The following FRMPD2 variants were observed in gnomAD, a reference collection of about 807,000 sequenced individuals.
FRMPD2 encodes the protein FERM and PDZ domain-containing protein 2.
FRMPD2 carries 96 observed loss-of-function variants against 140.1 expected under a neutral mutation model. The ratio of observed to expected loss-of-function variants is 0.69; its 90% CI spans 0.58 to 0.81. The LOEUF is 0.81. Ranked by LOEUF, FRMPD2 falls within the 40% of genes least tolerant of loss-of-function variation. The pLI, the probability that FRMPD2 is intolerant of heterozygous loss-of-function variation, is 0.00. For missense variants in FRMPD2, 1,240 were observed against 1,447.4 expected, an observed-to-expected ratio of 0.86 and a Z score of 2.32; for synonymous variants, 449 against 547.6, an observed-to-expected ratio of 0.82 and a Z score of 2.52.
intron 1 of FRMPD2, 31 bp downstream of exon 1, chr10:48,274,512 T>C (rs1444493121): frequency 3.1e-6 from 5 of 1,610,660 alleles, no homozygotes; most frequent in Non-Finnish European, 4.2e-6. Context: ...ACCAGATTTA[T>C]AGGAGAAAAC....
At chr10:48,230,172 A>G (rs192964993) in intron 10 of FRMPD2, among the ~76,000 whole-genome samples, 1 of 152,330 alleles carries the variant, frequency 6.6e-6, no homozygotes, top group East Asian at 1.9e-4. Context: ...CAACAATATA[A>G]TAAAGTATAC....
At chr10:48,253,329 A>G (rs1377104934) in intron 1 of FRMPD2, among the ~76,000 whole-genome samples, 1 of 152,244 alleles carries the variant, frequency 6.6e-6, no homozygotes, top group African/African-American at 2.4e-5. Context: ...TTAATATAGA[A>G]CATAAAACTA....
At chr10:48,240,747 G>A (rs942532662) in intron 5 of FRMPD2, among the ~76,000 whole-genome samples, 24 of 152,248 alleles carry the variant, frequency 1.6e-4, no homozygotes, top group African/African-American at 5.8e-4. Flanking sequence ...TCCCTCCATG[G>A]CTACAGCCTC....
rs554281655 is a variant in FRMPD2 at position 48,201,231 on chromosome 10, A to G, written c.1951T>C (p.Phe651Leu). ...GGAGAATACAGCTTCTACTCACCAA[A>G]TAAAACATGGGAAGGCTGCCCAGAG... ...MGSGQPSHVL[F>L]DHDKFVQMAN... Residue 651 changes from phenylalanine to leucine, a missense_variant, in exon 15 of 29, where the codon TTT becomes CTT. Physicochemically the swap from Phe to Leu is conservative, Grantham distance 22. This residue lies in a region of FRMPD2 where 1,161 missense variants were observed against 1,055.9 expected (regional missense o/e 1.10). Coordinates refer to ENST00000374201, the MANE Select transcript of FRMPD2 (RefSeq NM_001018071.4). 1 of 1,604,070 alleles carries G rather than the reference A, an allele frequency of 6.2e-7. No individual in the cohort carries two copies. Among genetic ancestry groups the G allele is most frequent in the East Asian group, 2.2e-5 (1 of 44,654 alleles).
intron 1 of FRMPD2, among the ~76,000 whole-genome samples, chr10:48,255,444 G>T (rs1253144169): frequency 6.6e-6 from 1 of 152,116 alleles, no homozygotes; most frequent in Non-Finnish European, 1.5e-5. Flanking sequence ...GCAGCCCTGA[G>T]CTTCATCTGT....
intron 12 of FRMPD2, among the ~76,000 whole-genome samples, chr10:48,216,565 G>C (rs1041252201): frequency 2.0e-4 from 30 of 152,144 alleles, no homozygotes; most frequent in African/African-American, 7.0e-4. Flanking sequence ...TCCTGTATCT[G>C]AATCTACAGA....
chr10:48,212,824 C>A (rs918458002), intron 12 of FRMPD2, among the ~76,000 whole-genome samples: 3 of 152,110 alleles, frequency 2.0e-5, no homozygotes, highest in African/African-American at 7.2e-5. Flanking sequence ...TGGTGAGTTC[C>A]CTGAACACAG....
At chr10:48,189,823 C>T (rs187697115) in intron 16 of FRMPD2, among the ~76,000 whole-genome samples, 47 of 152,300 alleles carry the variant, frequency 3.1e-4, no homozygotes, top group Middle Eastern at 3.4e-3. Context: ...GAAATTGCTG[C>T]GCCGTTCATG....
At chr10:48,191,539 C>T (rs116528529) in intron 16 of FRMPD2, among the ~76,000 whole-genome samples, 7 of 152,186 alleles carry the variant, frequency 4.6e-5, no homozygotes, top group Non-Finnish European at 7.4e-5. Context: ...TTGTGGTGCA[C>T]GGCAATGTAC....
At chr10:48,187,739 G>T (rs1169209323) in intron 16 of FRMPD2, among the ~76,000 whole-genome samples, 3 of 152,168 alleles carry the variant, frequency 2.0e-5, no homozygotes, top group African/African-American at 7.2e-5. Flanking sequence ...TCAGCTGGAG[G>T]CCTTCAGGCA....
At chr10:48,250,479 C>T (rs534523146) in intron 2 of FRMPD2, among the ~76,000 whole-genome samples, 166 of 152,290 alleles carry the variant, frequency 1.1e-3, no homozygotes, top group Middle Eastern at 6.8e-3. Flanking sequence ...CAGCTCAGTG[C>T]AATCTCTGCC....
intron 10 of FRMPD2, among the ~76,000 whole-genome samples, chr10:48,225,889 G>A (rs1057445121): frequency 6.6e-6 from 1 of 152,172 alleles, no homozygotes; most frequent in African/African-American, 2.4e-5. Flanking sequence ...CTTGATTCGA[G>A]ATCTGGTTTT....
At chr10:48,257,317 T>C (rs1840508427) in intron 1 of FRMPD2, among the ~76,000 whole-genome samples, 1 of 152,054 alleles carries the variant, frequency 6.6e-6, no homozygotes, top group South Asian at 2.1e-4. Flanking sequence ...TTTCATTCTC[T>C]CGCCCTGGCT....
chr10:48,187,135 C>A (rs1838706938), intron 17 of FRMPD2, 57 bp downstream of exon 17: 1 of 1,201,320 alleles, frequency 8.3e-7, no homozygotes, highest in South Asian at 1.4e-5. Flanking sequence ...AGACTCAAAG[C>A]AAGCTTCCTG....
intron 1 of FRMPD2, among the ~76,000 whole-genome samples, chr10:48,263,697 CT>C (rs1157879073): frequency 6.6e-6 from 1 of 152,064 alleles, no homozygotes; most frequent in Non-Finnish European, 1.5e-5. Flanking sequence ...AAGGATTTCA[CT>C]GTTAAAGTCT....
chr10:48,274,073 C>T (rs2131996064), intron 1 of FRMPD2, among the ~76,000 whole-genome samples: 1 of 152,306 alleles, frequency 6.6e-6, no homozygotes, highest in South Asian at 2.1e-4. Flanking sequence ...ACACTTGCTT[C>T]TGAAAGATAG....
intron 15 of FRMPD2, among the ~76,000 whole-genome samples, chr10:48,193,747 G>A (rs1481336262): frequency 1.3e-5 from 2 of 152,174 alleles, no homozygotes; most frequent in Admixed American, 6.5e-5. Flanking sequence ...TTCTCTGTGT[G>A]TGTATGTGTG....
rs145841569 is a variant in FRMPD2 at position 48,212,521 on chromosome 10, G to A, written c.1456-412C>T. 5.3e-3 allele frequency among the ~76,000 whole-genome samples: 803 copies of A among 152,096 alleles called. 4 individuals carry two copies. Among genetic ancestry groups the A allele is most frequent in the African/African-American group, 0.015 (604 of 41,486 alleles). On this transcript the variant is annotated intron_variant, in intron 12 of 28. Transcript: ENST00000374201. ...CACCTCAAACCCTCACACTTTCCACGATGCCACACCTTACCAAAAGGCATA... is the reference window on the plus strand; with the variant it reads ...CACCTCAAACCCTCACACTTTCCACAATGCCACACCTTACCAAAAGGCATA...
chr10:48,236,598 A>G, intron 8 of FRMPD2, 45 bp from the exon 9 acceptor site: 1 of 1,581,250 alleles, frequency 6.3e-7, no homozygotes, highest in Non-Finnish European at 8.7e-7. Context: ...AACAGATTCC[A>G]GGCTTTGGGT....
Sources: gnomAD v4.1 joint callset for allele counts (sites outside exome capture counted in the v4.1 genomes callset) on GRCh38, gnomAD v4.1.1 for gene constraint, gnomAD v4.1.1 regional missense constraint, MANE v1.5 for transcripts, NCBI Gene and HGNC (gene_info 2026-07-23, HGNC 2026-07-21) for gene names.